GCHFR: variants seen among roughly 807,000 people sequenced by gnomAD.
The protein encoded by GCHFR is GTP cyclohydrolase 1 feedback regulatory protein.
A neutral mutation model predicts 10.6 loss-of-function variants in GCHFR; 12 were observed. The ratio of observed to expected loss-of-function variants is 1.13; its 90% CI spans 0.72 to 1.83. The LOEUF (loss-of-function observed/expected upper bound fraction) is 1.83, where lower values mean the gene tolerates loss of function less well. GCHFR is among the 40% of genes most tolerant of loss of function. The pLI, the probability that GCHFR is intolerant of heterozygous loss-of-function variation, is 0.00. For missense variants in GCHFR, 116 were observed against 110.6 expected, an observed-to-expected ratio of 1.05 and a Z score of -0.22; for synonymous variants, 54 against 43.7, an observed-to-expected ratio of 1.24 and a Z score of -0.93.
intron 2 of GCHFR, chr15:40,767,023 T>A (rs938505073): frequency 1.2e-5 from 5 of 426,770 alleles, no homozygotes; most frequent in Non-Finnish European, 1.6e-5. Context: ...TTCACTAGCT[T>A]GTTGGGAAGA....
rs1181911969 is a variant in GCHFR, at chr15:40,767,290, C to T, written c.196C>T (p.Arg66Cys). 2.9e-5 allele frequency: 46 copies of T among 1,604,820 alleles called. No homozygotes were observed. Among genetic ancestry groups the T allele is most frequent in the Non-Finnish European group, 3.7e-5 (44 of 1,175,870 alleles). ...VLDKLERRGF[R>C]VLSMTGVGQT... ...GGACAAGCTGGAACGCAGGGGCTTC[C>T]GTGTGCTGAGCATGACGGGGGTGGG... Residue 66 changes from arginine (R) to cysteine (C), a missense_variant, in exon 3 of 3, where the codon CGT becomes TGT. By Grantham distance (180) the Arg-to-Cys change is radical. Transcript: ENST00000260447.
At chr15:40,764,702 C>G in intron 1 of GCHFR, 1 of 155,826 alleles carries the variant, frequency 6.4e-6, no homozygotes, top group Non-Finnish European at 1.4e-5. Flanking sequence ...TAGGCACTTC[C>G]AGGAAGGGCT....
chr15:40,765,673 C>A, intron 1 of GCHFR, 154 bp from the exon 2 acceptor site: 1 of 421,072 alleles, frequency 2.4e-6, no homozygotes, highest in East Asian at 3.5e-5. Flanking sequence ...TCCACCCCTT[C>A]ACAGCTTGTG....
chr15:40,765,574 T>A (rs1888929255), intron 1 of GCHFR: 1 of 310,360 alleles, frequency 3.2e-6, no homozygotes, highest in Non-Finnish European at 5.9e-6. Flanking sequence ...TAGCTGGAAC[T>A]ATAGGCTCGT....
At position 40,767,504 on chromosome 15, in the gene GCHFR, T is replaced by C. The variant is rs1421078520; in HGVS notation, c.*155T>C. Reference sequence around the variant, plus strand: ...CCAAAGGGCAGTGAATGGCCTTCTCTGAAACCCTGCGTCAAGCAGTGGGAG... The same window carrying C: ...CCAAAGGGCAGTGAATGGCCTTCTCCGAAACCCTGCGTCAAGCAGTGGGAG... On this transcript the variant is annotated 3_prime_UTR_variant, in exon 3 of 3. Transcript: ENST00000260447. The C allele has an allele frequency of 1.2e-6, 1 of 852,762 alleles. No homozygotes were observed. Among genetic ancestry groups the C allele is most frequent in the Non-Finnish European group, 1.7e-6 (1 of 583,486 alleles). The allele number at this position is 852,762 out of a possible 1,614,324, so 52.8% of individuals were successfully genotyped here.
Position 40,767,472 on chromosome 15 carries a change from CCCA to C in GCHFR, c.*124_*126del. 1 of 1,171,496 alleles carries C rather than the reference CCCA, an allele frequency of 8.5e-7. No individual in the cohort carries two copies. The highest frequency in any genetic ancestry group is 1.6e-5 in the South Asian group (1 of 60,704). 72.6% of individuals were successfully genotyped at this position (1,171,496 alleles called of 1,614,324 possible). ...CTTCCCAAATCATCACCGCCATGGG[CCCA>C]GCCCCAAAGGGCAGTGAATGGCCTT... On this transcript the variant is annotated 3_prime_UTR_variant, in exon 3 of 3. Coordinates refer to ENST00000260447, the MANE Select transcript of GCHFR (RefSeq NM_005258.3).
chr15:40,767,513 G>A lies in GCHFR; in HGVS notation c.*164G>A, dbSNP rs1472152057. 2 of 800,846 alleles carry A rather than the reference G, an allele frequency of 2.5e-6. No individual in the cohort carries two copies. The allele number at this position is 800,846 out of a possible 1,614,324, so 49.6% of individuals were successfully genotyped here. A position where few individuals can be genotyped will look rare whatever the true frequency, so the allele number is the denominator to read the frequency against. ...AGTGAATGGCCTTCTCTGAAACCCT[G>A]CGTCAAGCAGTGGGAGAGGGCAGTG... On this transcript the variant is annotated 3_prime_UTR_variant, in exon 3 of 3. Coordinates refer to ENST00000260447, the MANE Select transcript of GCHFR (RefSeq NM_005258.3).
chr15:40,764,357 G>C, intron 1 of GCHFR, 141 bp downstream of exon 1: 1 of 641,332 alleles, frequency 1.6e-6, no homozygotes, highest in South Asian at 2.8e-5. Flanking sequence ...TGGCCGGGGA[G>C]AGGGAGTGGA....
intron 2 of GCHFR, 134 bp from the exon 3 acceptor site, chr15:40,767,092 C>A: frequency 1.1e-6 from 1 of 871,286 alleles, no homozygotes; most frequent in Non-Finnish European, 1.7e-6. Context: ...CGTGCACTTA[C>A]CCCAGCGCCC....
At chr15:40,765,673 C>G in intron 1 of GCHFR, 154 bp from the exon 2 acceptor site, 1 of 421,072 alleles carries the variant, frequency 2.4e-6, no homozygotes, top group Non-Finnish European at 4.3e-6. Flanking sequence ...TCCACCCCTT[C>G]ACAGCTTGTG....
intron 1 of GCHFR, chr15:40,764,485 C>T: frequency 2.2e-6 from 1 of 461,180 alleles, no homozygotes; most frequent in East Asian, 3.7e-5. Flanking sequence ...CCGGGCGCTT[C>T]CGGCTCCTGT....
Position 40,764,255 on chromosome 15 carries a change from G to A in GCHFR, c.36+39G>A, listed in dbSNP as rs371063105. On this transcript the variant is annotated intron_variant, in intron 1 of 2. Transcript: ENST00000260447. ...GCCTGGCGACTTGGAGCCGGGACCAGGCCCTAGGGGGCTGCGACTGCACCT... is the reference window on the plus strand; with the variant it reads ...GCCTGGCGACTTGGAGCCGGGACCAAGCCCTAGGGGGCTGCGACTGCACCT... 12 of 1,525,438 alleles carry A rather than the reference G, an allele frequency of 7.9e-6. No homozygotes were observed. In the African/African-American group the frequency reaches 1.3e-4, roughly 16 times the overall value. 94.5% of individuals were successfully genotyped at this position (1,525,438 alleles called of 1,614,324 possible).
At chr15:40,764,377 T>A (rs1419044728) in intron 1 of GCHFR, 161 bp downstream of exon 1, 1 of 541,832 alleles carries the variant, frequency 1.8e-6, no homozygotes, top group African/African-American at 2.0e-5. Flanking sequence ...AGAAGCGGGC[T>A]CAGCTCGGCT....
chr15:40,764,479 G>T (rs1888905375), intron 1 of GCHFR: 1 of 463,692 alleles, frequency 2.2e-6, no homozygotes, highest in Middle Eastern at 5.7e-4. Flanking sequence ...CGACCTCCGG[G>T]CGCTTCCGGC....
intron 2 of GCHFR, 158 bp downstream of exon 2, chr15:40,766,079 A>G (rs1257718480): frequency 4.5e-6 from 2 of 448,358 alleles, no homozygotes; most frequent in Admixed American, 4.0e-5. Flanking sequence ...TCCCATCTGT[A>G]GCCTCTCCAA....
intron 1 of GCHFR, among the ~76,000 whole-genome samples, chr15:40,764,898 C>T (rs1439431610): frequency 6.6e-6 from 1 of 152,188 alleles, no homozygotes; most frequent in African/African-American, 2.4e-5. Flanking sequence ...CTTTTAGCTT[C>T]AGAAAGACAT....
intron 1 of GCHFR, 72 bp from the exon 2 acceptor site, chr15:40,765,755 G>A (rs1566816522): frequency 1.5e-6 from 1 of 664,988 alleles, no homozygotes; most frequent in Admixed American, 2.8e-5. Flanking sequence ...GCAGGCAGGG[G>A]AGGAAGGACA....
chr15:40,767,152 G>A, intron 2 of GCHFR, 74 bp from the exon 3 acceptor site: 1 of 1,404,818 alleles, frequency 7.1e-7, no homozygotes, highest in Non-Finnish European at 9.4e-7. Flanking sequence ...CAGGCTGCCT[G>A]CTGCAGACAC....
intron 1 of GCHFR, among the ~76,000 whole-genome samples, chr15:40,764,924 G>A (rs1440063054): frequency 6.6e-6 from 1 of 152,182 alleles, no homozygotes; most frequent in Non-Finnish European, 1.5e-5. Flanking sequence ...GCAGCAAGGT[G>A]CTCTCTGCCC....
Sources: allele counts gnomAD v4.1 joint callset (sites outside exome capture counted in the v4.1 genomes callset), GRCh38; gene constraint gnomAD v4.1.1; transcripts MANE v1.5; gene names NCBI Gene and HGNC (gene_info 2026-07-23, HGNC 2026-07-21).